The following PCSK2 variants were observed in gnomAD, a reference collection of about 807,000 sequenced individuals.
PCSK2 encodes neuroendocrine convertase 2.
Under a neutral mutation model 69.7 loss-of-function variants are expected in PCSK2, and 14 were observed. The observed-to-expected ratio is 0.20, with a 90% CI of 0.13 to 0.31. The LOEUF (loss-of-function observed/expected upper bound fraction) is 0.31. Ranked by LOEUF, PCSK2 falls within the 10% of genes least tolerant of loss-of-function variation. PCSK2 has a pLI of 1.00. For synonymous variants in PCSK2, 307 were observed against 320.7 expected, an observed-to-expected ratio of 0.96 and a Z score of 0.46; for missense variants, 544 against 842.5, an observed-to-expected ratio of 0.65 and a Z score of 4.39.
intron 2 of PCSK2, among the ~76,000 whole-genome samples, chr20:17,287,216 C>T (rs371019854): frequency 2.0e-4 from 30 of 152,258 alleles, no homozygotes; most frequent in African/African-American, 5.8e-4. Flanking sequence ...ATCTGAGCCT[C>T]GTGGCCTAGC....
intron 2 of PCSK2, among the ~76,000 whole-genome samples, chr20:17,351,969 G>T (rs950656627): frequency 2.0e-5 from 3 of 151,960 alleles, no homozygotes; most frequent in Non-Finnish European, 4.4e-5. Context: ...CAACCAAAAG[G>T]CTCCTAGAAC....
intron 2 of PCSK2, among the ~76,000 whole-genome samples, chr20:17,339,708 G>A (rs1220628151): frequency 1.3e-5 from 2 of 151,936 alleles, no homozygotes; most frequent in African/African-American, 4.8e-5. Flanking sequence ...TTGTTTTCCA[G>A]GAATATTGTT....
intron 10 of PCSK2, chr20:17,463,752 T>A (rs1435956393): frequency 6.9e-6 from 1 of 145,706 alleles, no homozygotes; most frequent in Non-Finnish European, 1.5e-5. Context: ...TAGAAGAAGG[T>A]CTGCATTCAA....
At chr20:17,318,140 T>C (rs1427618729) in intron 2 of PCSK2, among the ~76,000 whole-genome samples, 2 of 152,232 alleles carry the variant, frequency 1.3e-5, no homozygotes, top group African/African-American at 4.8e-5. Context: ...TTTACTTGCT[T>C]ACAGTGAGCT....
chr20:17,386,459 T>C (rs1452405887), intron 5 of PCSK2, among the ~76,000 whole-genome samples: 1 of 152,150 alleles, frequency 6.6e-6, no homozygotes, highest in Non-Finnish European at 1.5e-5. Context: ...TTATTCAGAA[T>C]TTCAGGAAGG....
At chr20:17,333,249 G>A (rs896247882) in intron 2 of PCSK2, among the ~76,000 whole-genome samples, 1 of 152,106 alleles carries the variant, frequency 6.6e-6, no homozygotes, top group South Asian at 2.1e-4. Context: ...GTGGTAAAAT[G>A]TTATATTTAG....
At chr20:17,292,826 T>G (rs1847569937) in intron 2 of PCSK2, among the ~76,000 whole-genome samples, 1 of 151,118 alleles carries the variant, frequency 6.6e-6, no homozygotes, top group Non-Finnish European at 1.5e-5. Flanking sequence ...TTCTGGGGTG[T>G]TTTTTTTTAT....
chr20:17,345,807 G>T (rs542471046), intron 2 of PCSK2, among the ~76,000 whole-genome samples: 1 of 152,188 alleles, frequency 6.6e-6, no homozygotes, highest in South Asian at 2.1e-4. Flanking sequence ...ATCAAATCAA[G>T]AATACTCTCC....
At chr20:17,255,761 A>C (rs1987155576) in intron 1 of PCSK2, among the ~76,000 whole-genome samples, 1 of 152,218 alleles carries the variant, frequency 6.6e-6, no homozygotes, top group South Asian at 2.1e-4. Flanking sequence ...TATTTATTAT[A>C]GTAATTGATT....
At chr20:17,371,274 A>C (rs2030752918) in intron 5 of PCSK2, among the ~76,000 whole-genome samples, 1 of 151,866 alleles carries the variant, frequency 6.6e-6, no homozygotes. Context: ...GCTGCTCCCA[A>C]CTCCAGCTGC....
chr20:17,362,096 C>A (rs973957642), intron 4 of PCSK2, among the ~76,000 whole-genome samples: 1 of 152,206 alleles, frequency 6.6e-6, no homozygotes, highest in Non-Finnish European at 1.5e-5. Flanking sequence ...TCTTAGGAAA[C>A]CTCCAAGAGT....
intron 8 of PCSK2, among the ~76,000 whole-genome samples, chr20:17,449,546 T>TA (rs1442630991): frequency 4.0e-5 from 2 of 49,850 alleles, no homozygotes; most frequent in Non-Finnish European, 9.4e-5. Context: ...ATATGTATAT[T>TA]TGAGACTGAG....
At position 17,465,346 on chromosome 20, in the gene PCSK2, A is replaced by G; in HGVS notation, c.1223A>G (p.Asp408Gly). 6.2e-7 allele frequency: 1 copy of G among 1,613,892 alleles called. No individual in the cohort carries two copies. Among genetic ancestry groups the G allele is most frequent in the Non-Finnish European group, 8.5e-7 (1 of 1,179,950 alleles). ...LEANLGLTWR[D>G]MQHLTVLTSK... ...TCCAGCCTGGGTCTGACCTGGCGGG[A>G]CATGCAGCATCTGACTGTGCTCACC... The change falls in exon 11 of 12, where the codon GAC becomes GGC. Residue 408 changes from aspartate (D) to glycine (G), a missense_variant. Asp to Gly is a moderately conservative substitution (Grantham distance 94). Coordinates refer to ENST00000262545, the MANE Select transcript of PCSK2 (RefSeq NM_002594.5).
chr20:17,250,374 T>A (rs917761550), intron 1 of PCSK2, among the ~76,000 whole-genome samples: 4 of 152,200 alleles, frequency 2.6e-5, no homozygotes, highest in African/African-American at 9.7e-5. Flanking sequence ...ATACACGTTA[T>A]GTATTTTTGG....
At chr20:17,245,673 C>T (rs1986744579) in intron 1 of PCSK2, among the ~76,000 whole-genome samples, 2 of 152,012 alleles carry the variant, frequency 1.3e-5, no homozygotes, top group Admixed American at 6.6e-5. Context: ...ATTTTTACCT[C>T]GTGTTCAATC....
chr20:17,332,565 C>T (rs960345233), intron 2 of PCSK2, among the ~76,000 whole-genome samples: 1 of 152,194 alleles, frequency 6.6e-6, no homozygotes, highest in South Asian at 2.1e-4. Context: ...GTCCCCTGAA[C>T]CAGCAGCACC....
intron 1 of PCSK2, among the ~76,000 whole-genome samples, chr20:17,237,332 A>C (rs1986381028): frequency 6.6e-6 from 1 of 152,230 alleles, no homozygotes; most frequent in African/African-American, 2.4e-5. Flanking sequence ...ATGCACAAGG[A>C]TTTGTTCACA....
chr20:17,283,775 G>T (rs1186954796), intron 2 of PCSK2, among the ~76,000 whole-genome samples: 1 of 152,132 alleles, frequency 6.6e-6, no homozygotes, highest in Non-Finnish European at 1.5e-5. Flanking sequence ...TCCATCTCAG[G>T]TATCATCACT....
At chr20:17,396,983 A>G (rs1217290623) in intron 5 of PCSK2, among the ~76,000 whole-genome samples, 6 of 152,132 alleles carry the variant, frequency 3.9e-5, no homozygotes, top group African/African-American at 1.4e-4. Context: ...TGGGTCATGA[A>G]TTCGAATCTG....
Sources: allele counts gnomAD v4.1 joint callset (sites outside exome capture counted in the v4.1 genomes callset), GRCh38; gene constraint gnomAD v4.1.1; transcripts MANE v1.5; gene names NCBI Gene and HGNC (gene_info 2026-07-23, HGNC 2026-07-21).